The following EFHC2 variants were observed in gnomAD, a reference collection of about 807,000 sequenced individuals.
The protein encoded by EFHC2 is EF-hand domain-containing family member C2.
Under a neutral mutation model 52.7 loss-of-function variants are expected in EFHC2, and 18 were observed. The observed-to-expected ratio is 0.34, with a 90% CI of 0.24 to 0.51. The LOEUF is 0.51. Among genes scored for constraint, EFHC2 ranks in the 20% least tolerant of loss-of-function variants. The pLI is 0.97. For synonymous variants in EFHC2, 203 were observed against 204.1 expected (o/e 0.99, Z 0.04); for missense variants, 513 against 562.5 (o/e 0.91, Z 0.89).
intron 2 of EFHC2, among the ~76,000 whole-genome samples, chrX:44,312,106 T>C (rs756470891): frequency 8.9e-6 from 1 of 112,507 alleles, no homozygotes; most frequent in East Asian, 2.8e-4. Flanking sequence ...ATTTATCTTT[T>C]CAGAAGAACT....
At chrX:44,303,281 T>G (rs2037880974) in intron 2 of EFHC2, among the ~76,000 whole-genome samples, 1 of 111,343 alleles carries the variant, frequency 9.0e-6, no homozygotes, top group African/African-American at 3.3e-5. Flanking sequence ...CACAGTCACA[T>G]CTAAACACAG....
At chrX:44,210,092 C>G (rs2037083587) in intron 11 of EFHC2, among the ~76,000 whole-genome samples, 1 of 110,968 alleles carries the variant, frequency 9.0e-6, no homozygotes, top group Non-Finnish European at 1.9e-5. Flanking sequence ...GAAACCATCT[C>G]CCAGCCATGA....
rs772280204 is a variant in EFHC2 at position 44,312,265 on chromosome X, C to T, written c.231+303G>A. ...TTTTCATCACAAAAAAAGAGAAGCACATGAGGTAACGCATATGTTAATTAG... is the reference window on the plus strand; with the variant it reads ...TTTTCATCACAAAAAAAGAGAAGCATATGAGGTAACGCATATGTTAATTAG... On this transcript the variant is annotated intron_variant, in intron 2 of 14. Coordinates refer to ENST00000420999, the MANE Select transcript of EFHC2 (RefSeq NM_025184.4). 5.4e-5 allele frequency among the ~76,000 whole-genome samples: 6 copies of T among 111,780 alleles called. No homozygotes were observed. In the South Asian group the frequency reaches 2.2e-3, roughly 41 times the overall value.
In EFHC2 at chrX:44,278,096, C is replaced by G. The variant is rs773220836; in HGVS notation, c.232-5260G>C. ...AAAAATTTGAAAGACCAGATCTGGC[C>G]GGGCGCAATGGCTCACACCTGTAAT... On this transcript the variant is annotated intron_variant, in intron 2 of 14. Transcript: ENST00000420999. Among the ~76,000 whole-genome samples the G allele has an allele frequency of 7.1e-5, 8 of 112,170 alleles. No homozygotes were observed. In the East Asian group the frequency reaches 2.2e-3, roughly 31 times the overall value.
chrX:44,310,108 T>C (rs2037935701), intron 2 of EFHC2: 1 of 704,300 alleles, frequency 1.4e-6, no homozygotes, highest in African/African-American at 2.1e-5. Flanking sequence ...ATAAAATATC[T>C]CTCCTCGGGC....
At chrX:44,322,779 C>T (rs1194422306) in intron 1 of EFHC2, among the ~76,000 whole-genome samples, 1 of 111,924 alleles carries the variant, frequency 8.9e-6, no homozygotes, top group Non-Finnish European at 1.9e-5. Context: ...TGAGTCAGAG[C>T]TCCAATAAAA....
intron 2 of EFHC2, chrX:44,310,021 C>G: frequency 1.0e-6 from 1 of 955,354 alleles, no homozygotes. Context: ...GTAATCTGAA[C>G]TATTTGGCTA....
At chrX:44,308,707 C>T (rs2037924005) in intron 2 of EFHC2, among the ~76,000 whole-genome samples, 2 of 112,198 alleles carry the variant, frequency 1.8e-5, no homozygotes. Context: ...TATCTAAACA[C>T]AGGACTGACT....
At chrX:44,292,521 A>G (rs1394201764) in intron 2 of EFHC2, among the ~76,000 whole-genome samples, 1 of 112,060 alleles carries the variant, frequency 8.9e-6, no homozygotes. Context: ...CATATGGACA[A>G]TCTGTGGTTA....
intron 14 of EFHC2, among the ~76,000 whole-genome samples, chrX:44,157,574 T>G (rs1376675016): frequency 2.7e-5 from 3 of 110,500 alleles, no homozygotes; most frequent in African/African-American, 9.9e-5. Context: ...TTCACTTCCC[T>G]TCATCCTGTT....
At chrX:44,173,321 C>T (rs1314327499) in intron 13 of EFHC2, among the ~76,000 whole-genome samples, 5 of 111,875 alleles carry the variant, frequency 4.5e-5, no homozygotes, top group Non-Finnish European at 9.4e-5. Flanking sequence ...AGACTGTAGA[C>T]GTCAGAGGGG....
intron 8 of EFHC2, among the ~76,000 whole-genome samples, chrX:44,237,754 C>T (rs1346664224): frequency 9.0e-6 from 1 of 111,337 alleles, no homozygotes. Context: ...CACTGGCTTC[C>T]GGGATCCAGC....
At chrX:44,227,291 G>A (rs1204785001) in intron 11 of EFHC2, among the ~76,000 whole-genome samples, 1 of 111,323 alleles carries the variant, frequency 9.0e-6, no homozygotes, top group Admixed American at 9.5e-5. Flanking sequence ...TGATAGACAC[G>A]GGCTATGTAG....
intron 1 of EFHC2, among the ~76,000 whole-genome samples, chrX:44,321,961 C>T (rs1245358776): frequency 8.9e-6 from 1 of 111,991 alleles, no homozygotes; most frequent in Admixed American, 9.5e-5. Flanking sequence ...TCTTCTCTGA[C>T]TGCCAGAGGC....
intron 1 of EFHC2, among the ~76,000 whole-genome samples, chrX:44,338,741 A>AAT (rs1185630095): frequency 9.2e-6 from 1 of 108,819 alleles, no homozygotes; most frequent in Non-Finnish European, 1.9e-5. Flanking sequence ...AAAAAAAAAA[A>AAT]GCTGGTCATG....
chrX:44,230,146 T>C (rs2147320545), intron 10 of EFHC2, among the ~76,000 whole-genome samples: 1 of 111,303 alleles, frequency 9.0e-6, no homozygotes, highest in African/African-American at 3.3e-5. Flanking sequence ...ACTGGATAAG[T>C]AGCCCTCCAT....
chrX:44,179,238 T>C (rs73481068), intron 11 of EFHC2, among the ~76,000 whole-genome samples: 7,093 of 110,395 alleles, frequency 0.064, 249 homozygotes, highest in Admixed American at 0.14. Flanking sequence ...ATTGGCTGAA[T>C]TGTTTTCAAT....
chrX:44,331,719 C>G (rs1019200912), intron 1 of EFHC2, among the ~76,000 whole-genome samples: 1 of 111,562 alleles, frequency 9.0e-6, no homozygotes, highest in Non-Finnish European at 1.9e-5. Context: ...GAGTTCGAGA[C>G]CAGCCTGGGC....
intron 2 of EFHC2, among the ~76,000 whole-genome samples, chrX:44,293,623 G>A (rs753670148): frequency 1.8e-5 from 2 of 111,749 alleles, no homozygotes; most frequent in African/African-American, 6.5e-5. Context: ...ATACATGTTT[G>A]AGACCTTCAT....
Sources: gnomAD v4.1 joint callset for allele counts (sites outside exome capture counted in the v4.1 genomes callset) on GRCh38, gnomAD v4.1.1 for gene constraint, MANE v1.5 for transcripts, NCBI Gene and HGNC (gene_info 2026-07-23, HGNC 2026-07-21) for gene names.